Variants in MITF observed in about 807,000 individuals in gnomAD.
MITF encodes the protein melanocyte inducing transcription factor.
A neutral mutation model predicts 60.5 loss-of-function variants in MITF; 17 were observed. The ratio of observed to expected loss-of-function variants is 0.28; its 90% CI spans 0.19 to 0.42. The LOEUF (loss-of-function observed/expected upper bound fraction) is 0.42. Among genes scored for constraint, MITF ranks in the 10% least tolerant of loss-of-function variants. The pLI is 1.00. For synonymous variants in MITF, 260 were observed against 248.5 expected, an observed-to-expected ratio of 1.05 and a Z score of -0.43; for missense variants, 622 against 683.5, an observed-to-expected ratio of 0.91 and a Z score of 1.00.
Position 69,959,275 on chromosome 3 carries a change from A to G in MITF, c.1034A>G (p.Asp345Gly), listed in dbSNP as rs2107536800. ...GTTTTCCTCCATTTTCATCGCAGAG[A>G]CATGCGCTGGAACAAGGGAACCATC... is the stretch of plus-strand genomic sequence containing the variant. ...GTLIPKSNDP[D>G]MRWNKGTILK... The change falls in exon 9 of 10, where the codon GAC becomes GGC. Residue 345 changes from aspartate to glycine, a missense_variant and splice_region_variant. Transcript: ENST00000352241. 6.2e-7 allele frequency: 1 copy of G among 1,614,098 alleles called. No individual in the cohort carries two copies. Among genetic ancestry groups the G allele is most frequent in the Non-Finnish European group, 8.5e-7 (1 of 1,180,002 alleles).
intron 1 of MITF, among the ~76,000 whole-genome samples, chr3:69,877,554 T>C (rs369079953): frequency 7.5e-4 from 115 of 152,342 alleles, no homozygotes; most frequent in Admixed American, 2.5e-3. Context: ...GTAACTATAT[T>C]TTTACACTAG....
chr3:69,828,559 T>C (rs9883334), intron 1 of MITF, among the ~76,000 whole-genome samples: 75,941 of 151,578 alleles, frequency 0.5, 20,722 homozygotes, highest in Non-Finnish European at 0.63. Flanking sequence ...TTTCTATAAG[T>C]CTGTGTATAT....
chr3:69,879,027 T>G, intron 1 of MITF, 107 bp from the exon 2 acceptor site: 2 of 855,328 alleles, frequency 2.3e-6, no homozygotes, highest in South Asian at 2.8e-5. Flanking sequence ...TGATTATATT[T>G]GCGCAGACTC....
At chr3:69,791,243 G>C (rs1283590119) in intron 1 of MITF, among the ~76,000 whole-genome samples, 1 of 152,230 alleles carries the variant, frequency 6.6e-6, no homozygotes, top group African/African-American at 2.4e-5. Flanking sequence ...AGCACTTGCA[G>C]TCCCTGAGGG....
intron 2 of MITF, among the ~76,000 whole-genome samples, chr3:69,911,241 T>C (rs532692436): frequency 1.3e-5 from 2 of 152,332 alleles, no homozygotes; most frequent in Admixed American, 6.5e-5. Context: ...ACCGGCCGTG[T>C]GGAACTGTAA....
At chr3:69,798,187 T>C (rs1037007483) in intron 1 of MITF, among the ~76,000 whole-genome samples, 1 of 152,220 alleles carries the variant, frequency 6.6e-6, no homozygotes, top group Admixed American at 6.5e-5. Context: ...AAAAGCCCAG[T>C]TGATAGAAAT....
At chr3:69,891,125 C>A (rs748137980) in intron 2 of MITF, among the ~76,000 whole-genome samples, 9 of 152,116 alleles carry the variant, frequency 5.9e-5, no homozygotes, top group Non-Finnish European at 1.2e-4. Flanking sequence ...AAGTTGATTT[C>A]AGTTTTCCAG....
chr3:69,913,510 C>G (rs2065267142), intron 2 of MITF, among the ~76,000 whole-genome samples: 1 of 152,226 alleles, frequency 6.6e-6, no homozygotes, highest in South Asian at 2.1e-4. Context: ...CCAAAGAAAC[C>G]TGAGGTAATG....
At chr3:69,953,988 C>T (rs150718812) in intron 7 of MITF, among the ~76,000 whole-genome samples, 171 of 152,168 alleles carry the variant, frequency 1.1e-3, no homozygotes, top group African/African-American at 3.9e-3. Context: ...TGACAATTTG[C>T]CCAGGCATAT....
chr3:69,762,485 A>G (rs1382571508), intron 1 of MITF, among the ~76,000 whole-genome samples: 2 of 152,200 alleles, frequency 1.3e-5, no homozygotes, highest in Non-Finnish European at 2.9e-5. Flanking sequence ...ATTTCCATTG[A>G]GATATTATCG....
At position 69,896,309 on chromosome 3, in the gene MITF, A is replaced by G. The variant is rs183961261; in HGVS notation, c.354+16926A>G. Among the ~76,000 whole-genome samples, 247 of 152,374 alleles carry G rather than the reference A, an allele frequency of 1.6e-3. 5 individuals are homozygous for G. Among genetic ancestry groups the G allele is most frequent in the Admixed American group, 0.015 (236 of 15,306 alleles). ...TCCACAGGGCTCTGCTCTCTGGAGA[A>G]GTTGAGAATACAGAGGCAGCAGCTG... On this transcript the variant is annotated intron_variant, in intron 2 of 9. Coordinates refer to ENST00000352241, the MANE Select transcript of MITF (RefSeq NM_001354604.2).
chr3:69,748,217 A>G (rs1436155418), intron 1 of MITF, among the ~76,000 whole-genome samples: 2 of 152,198 alleles, frequency 1.3e-5, no homozygotes, highest in Non-Finnish European at 2.9e-5. Flanking sequence ...CTTTGATTCA[A>G]GTACCCACAG....
intron 1 of MITF, among the ~76,000 whole-genome samples, chr3:69,749,091 A>G (rs1336785854): frequency 6.6e-6 from 1 of 152,348 alleles, no homozygotes; most frequent in Non-Finnish European, 1.5e-5. Flanking sequence ...GGAAATGCTC[A>G]TGGAAATCCT....
chr3:69,900,599 A>T (rs1314474990), intron 2 of MITF, among the ~76,000 whole-genome samples: 1 of 152,206 alleles, frequency 6.6e-6, no homozygotes, highest in Admixed American at 6.5e-5. Context: ...CTGATAGAAC[A>T]GGGTAAAAAG....
intron 1 of MITF, among the ~76,000 whole-genome samples, chr3:69,866,827 C>T (rs537899736): frequency 3.3e-5 from 5 of 150,456 alleles, no homozygotes; most frequent in Admixed American, 6.6e-5. Context: ...TTTCTCCCCC[C>T]ACCTTTTTTT....
intron 1 of MITF, among the ~76,000 whole-genome samples, chr3:69,814,175 G>A (rs2107012539): frequency 6.6e-6 from 1 of 151,760 alleles, no homozygotes; most frequent in East Asian, 1.9e-4. Flanking sequence ...AGGTCAAATA[G>A]GAAACAGGTT....
chr3:69,910,145 A>G (rs1559713805), intron 2 of MITF, among the ~76,000 whole-genome samples: 1 of 152,200 alleles, frequency 6.6e-6, no homozygotes, highest in Non-Finnish European at 1.5e-5. Flanking sequence ...TGTGGCTGAA[A>G]GGGGCCAACA....
At chr3:69,781,115 T>C (rs1477012341) in intron 1 of MITF, among the ~76,000 whole-genome samples, 1 of 152,094 alleles carries the variant, frequency 6.6e-6, no homozygotes, top group Non-Finnish European at 1.5e-5. Flanking sequence ...TGGAGAAACC[T>C]GGTTGTTAAT....
rs921645673 is a variant in MITF at position 69,749,687 on chromosome 3, A to G, written c.104+9986A>G. Among the ~76,000 whole-genome samples, 15 of 152,372 alleles carry G rather than the reference A, an allele frequency of 9.8e-5. 1 individual carries two copies. In the South Asian group the frequency reaches 2.7e-3, roughly 27 times the overall value. ...AGCAACTGGCATGATTCCTGGTCAC[A>G]TTCCGAATAAAGGTTTGTCCATTTG... On this transcript the variant is annotated intron_variant, in intron 1 of 9. Coordinates refer to ENST00000352241, the MANE Select transcript of MITF (RefSeq NM_001354604.2).
Sources: gnomAD v4.1 joint callset for allele counts (sites outside exome capture counted in the v4.1 genomes callset) on GRCh38, gnomAD v4.1.1 for gene constraint, MANE v1.5 for transcripts, NCBI Gene and HGNC (gene_info 2026-07-23, HGNC 2026-07-21) for gene names.